Variants in RHOBTB1 observed in about 807,000 individuals in gnomAD.
RHOBTB1 encodes Rho related BTB domain containing 1, also known as rho-related BTB domain-containing protein 1.
Under a neutral mutation model 71.6 loss-of-function variants are expected in RHOBTB1, and 40 were observed. The ratio of observed to expected loss-of-function variants is 0.56; its 90% CI spans 0.43 to 0.73. RHOBTB1 has a LOEUF of 0.73. RHOBTB1 is among the 30% of genes least tolerant of loss of function. The probability of loss-of-function intolerance (pLI) is 0.00; values close to 1 mark genes in which losing one functional copy is unlikely to be tolerated. For missense variants in RHOBTB1, 797 were observed against 894.0 expected, an observed-to-expected ratio of 0.89 and a Z score of 1.38; for synonymous variants, 319 against 334.9, an observed-to-expected ratio of 0.95 and a Z score of 0.52.
intron 9 of RHOBTB1, among the ~76,000 whole-genome samples, chr10:60,873,102 C>T (rs144262692): frequency 6.6e-6 from 1 of 152,158 alleles, no homozygotes; most frequent in African/African-American, 2.4e-5. Flanking sequence ...AGCCAGAGAC[C>T]TCAGAAACCC....
chr10:60,888,582 C>G lies in RHOBTB1; in HGVS notation c.1086G>C (p.Glu362Asp). ...SLVEALGLEA[E>D]GAVPETQTLT... is the part of the protein sequence containing the mutation. Reference sequence around the variant, plus strand: ...AAGTCTGTGTCTCAGGAACTGCACCCTCGGCTTCCAGCCCCAGAGCCTCCA... The same window carrying G: ...AAGTCTGTGTCTCAGGAACTGCACCGTCGGCTTCCAGCCCCAGAGCCTCCA... The change falls in exon 6 of 11, where the codon GAG becomes GAC. Residue 362 changes from glutamate (E) to aspartate (D), a missense_variant. Transcript: ENST00000337910. 2 of 1,614,192 alleles carry G rather than the reference C, an allele frequency of 1.2e-6. No individual in the cohort carries two copies.
intron 8 of RHOBTB1, 39 bp from the exon 9 acceptor site, chr10:60,875,081 G>A (rs12251212): frequency 0.096 from 143,438 of 1,497,676 alleles, 7,560 homozygotes; most frequent in African/African-American, 0.18. Context: ...ATTAAACCAC[G>A]CCCTGCGAGC....
At chr10:60,887,709 G>C (rs1259780205) in intron 6 of RHOBTB1, among the ~76,000 whole-genome samples, 1 of 152,226 alleles carries the variant, frequency 6.6e-6, no homozygotes, top group Non-Finnish European at 1.5e-5. Context: ...ATTGCCTCAA[G>C]GACTTTAGTG....
chr10:60,903,147 G>C (rs2082490863), intron 4 of RHOBTB1, among the ~76,000 whole-genome samples: 1 of 152,178 alleles, frequency 6.6e-6, no homozygotes, highest in Admixed American at 6.5e-5. Context: ...AGGAGTACGT[G>C]ACACTTGTTC....
chr10:60,878,070 T>A lies in RHOBTB1; in HGVS notation c.1576-12A>T. The A allele has an allele frequency of 2.5e-6, 4 of 1,605,436 alleles. No individual in the cohort carries two copies. The South Asian group carries it at 4.5e-5, about 18-fold the overall frequency. ...TTCGGGAGATACACCTGAAATGTTA[T>A]ACAAAAAGCTAAATTCTGCTGCAGA... On this transcript the variant is annotated splice_polypyrimidine_tract_variant and intron_variant, in intron 7 of 10. Transcript: ENST00000337910.
intron 4 of RHOBTB1, among the ~76,000 whole-genome samples, chr10:60,906,072 C>T (rs1229759705): frequency 6.6e-6 from 1 of 152,144 alleles, no homozygotes. Context: ...TAGGAACCAA[C>T]AACATTTGAG....
At chr10:60,904,033 G>A (rs924700876) in intron 4 of RHOBTB1, among the ~76,000 whole-genome samples, 14 of 151,668 alleles carry the variant, frequency 9.2e-5, no homozygotes, top group Admixed American at 9.2e-4. Context: ...TGCAATCCTA[G>A]CTCACTGCAG....
chr10:60,944,917 C>G (rs1258494499), upstream of RHOBTB1, among the ~76,000 whole-genome samples: 1 of 152,134 alleles, frequency 6.6e-6, no homozygotes, highest in Non-Finnish European at 1.5e-5. Flanking sequence ...TTATAACCTC[C>G]TGCAAATGGC....
At chr10:60,952,406 T>C (rs2085443654) in intron 2 of RHOBTB1, among the ~76,000 whole-genome samples, 1 of 152,226 alleles carries the variant, frequency 6.6e-6, no homozygotes, top group African/African-American at 2.4e-5. Flanking sequence ...ACTTAGTAAG[T>C]ACCCACTATG....
At chr10:60,925,245 A>G (rs2083800652) in intron 2 of RHOBTB1, among the ~76,000 whole-genome samples, 1 of 152,360 alleles carries the variant, frequency 6.6e-6, no homozygotes, top group East Asian at 1.9e-4. Flanking sequence ...ACCATGAGCC[A>G]ATTAAATCTC....
Position 60,874,945 on chromosome 10 carries a change from G to A in RHOBTB1, c.1815+9C>T, listed in dbSNP as rs774695964. The A allele has an allele frequency of 6.2e-7, 1 of 1,601,480 alleles. No homozygotes were observed. The highest frequency in any genetic ancestry group is 2.2e-5 in the East Asian group (1 of 44,824). On this transcript the variant is annotated intron_variant, in intron 9 of 10. Coordinates refer to ENST00000337910, the MANE Select transcript of RHOBTB1 (RefSeq NM_014836.5). Reference sequence around the variant, plus strand: ...ACACTTAAAAGGTAAAAAGCAAACTGTTACAAACCTGAGCCAATTCCAAGT... The same window carrying A: ...ACACTTAAAAGGTAAAAAGCAAACTATTACAAACCTGAGCCAATTCCAAGT...
chr10:61,001,341 G>A (rs1461521157), intron 1 of RHOBTB1: 1 of 151,518 alleles, frequency 6.6e-6, no homozygotes, highest in Non-Finnish European at 1.5e-5. Context: ...CGCCCACCCT[G>A]GCGCGGCTCC....
At position 60,904,861 on chromosome 10, in the gene RHOBTB1, A is replaced by G. The variant is rs192791507; in HGVS notation, c.296+6026T>C. Among the ~76,000 whole-genome samples, 868 of 152,244 alleles carry G rather than the reference A, an allele frequency of 5.7e-3. 5 individuals are homozygous for G. Among genetic ancestry groups the G allele is most frequent in the African/African-American group, 0.02 (842 of 41,530 alleles). On this transcript the variant is annotated intron_variant, in intron 4 of 10. Transcript: ENST00000337910. Reference sequence around the variant, plus strand: ...CCTTTCTACTTTTTTCTATAACCTGAGCAATTTTTAGTTCTTTTTGTTACA... The same window carrying G: ...CCTTTCTACTTTTTTCTATAACCTGGGCAATTTTTAGTTCTTTTTGTTACA...
intron 2 of RHOBTB1, among the ~76,000 whole-genome samples, chr10:60,967,029 T>C (rs940065929): frequency 4.6e-5 from 7 of 152,008 alleles, no homozygotes; most frequent in African/African-American, 1.4e-4. Flanking sequence ...AATGGTGCTT[T>C]TGGGAAAAAT....
chr10:60,946,502 T>C (rs193284111), upstream of RHOBTB1, among the ~76,000 whole-genome samples: 49 of 152,332 alleles, frequency 3.2e-4, no homozygotes, highest in African/African-American at 1.2e-3. Flanking sequence ...GCAGATGCTA[T>C]AATTATCCTA....
intron 2 of RHOBTB1, among the ~76,000 whole-genome samples, chr10:60,983,367 A>G (rs2086564365): frequency 6.6e-6 from 1 of 152,188 alleles, no homozygotes; most frequent in Non-Finnish European, 1.5e-5. Flanking sequence ...TATAAGACAT[A>G]TGATTTTTCA....
intron 4 of RHOBTB1, among the ~76,000 whole-genome samples, chr10:60,895,946 C>T: frequency 6.6e-6 from 1 of 152,256 alleles, no homozygotes; most frequent in Non-Finnish European, 1.5e-5. Flanking sequence ...TCCTTACCAA[C>T]ATTCTTTTGT....
At chr10:60,903,556 A>G (rs2082512212) in intron 4 of RHOBTB1, among the ~76,000 whole-genome samples, 1 of 152,216 alleles carries the variant, frequency 6.6e-6, no homozygotes, top group Non-Finnish European at 1.5e-5. Context: ...GAAGAAACGG[A>G]AAATTTTCAC....
intron 2 of RHOBTB1, chr10:60,912,920 C>T (rs942358915): frequency 6.6e-6 from 1 of 152,182 alleles, no homozygotes; most frequent in African/African-American, 2.4e-5. Context: ...AAAAGGCTGA[C>T]AAGCAATGGA....
Sources: allele counts gnomAD v4.1 joint callset (sites outside exome capture counted in the v4.1 genomes callset), GRCh38; gene constraint gnomAD v4.1.1; transcripts MANE v1.5; gene names NCBI Gene and HGNC (gene_info 2026-07-23, HGNC 2026-07-21).